SLC2A13: variants seen among roughly 807,000 people sequenced by gnomAD.
The protein encoded by SLC2A13 is solute carrier family 2 member 13.
SLC2A13 carries 32 observed loss-of-function variants against 64.4 expected under a neutral mutation model. The observed-to-expected ratio is 0.50, with a 90% CI of 0.37 to 0.67. The LOEUF is 0.67. SLC2A13 is among the 30% of genes least tolerant of loss of function. The probability of loss-of-function intolerance (pLI) is 0.00; values close to 1 mark genes in which losing one functional copy is unlikely to be tolerated. For missense variants in SLC2A13, 743 were observed against 829.2 expected, an observed-to-expected ratio of 0.90 and a Z score of 1.28; for synonymous variants, 338 against 327.1, an observed-to-expected ratio of 1.03 and a Z score of -0.36.
chr12:39,769,055 T>G (rs1940465997), intron 7 of SLC2A13, among the ~76,000 whole-genome samples: 1 of 152,112 alleles, frequency 6.6e-6, no homozygotes, highest in Non-Finnish European at 1.5e-5. Context: ...AACAACCACT[T>G]CTCAGAAACT....
At chr12:39,893,713 C>A (rs1401759097) in intron 4 of SLC2A13, among the ~76,000 whole-genome samples, 1 of 152,160 alleles carries the variant, frequency 6.6e-6, no homozygotes, top group African/African-American at 2.4e-5. Context: ...TGTGCTTTTT[C>A]TGGAGTGTGT....
intron 7 of SLC2A13, among the ~76,000 whole-genome samples, chr12:39,781,736 A>C (rs1354423514): frequency 1.3e-5 from 2 of 152,228 alleles, no homozygotes; most frequent in Non-Finnish European, 2.9e-5. Flanking sequence ...CAAGCATACA[A>C]CATAAAAGAG....
intron 6 of SLC2A13, among the ~76,000 whole-genome samples, chr12:39,860,288 A>G (rs928329362): frequency 3.3e-4 from 50 of 152,176 alleles, no homozygotes; most frequent in African/African-American, 1.2e-3. Flanking sequence ...TCCAGCATGA[A>G]TAGCTTATGA....
intron 6 of SLC2A13, among the ~76,000 whole-genome samples, chr12:39,854,635 C>T (rs1943558259): frequency 6.6e-6 from 1 of 152,174 alleles, no homozygotes; most frequent in African/African-American, 2.4e-5. Flanking sequence ...AAAACTCACA[C>T]AGAAAACTCT....
chr12:39,857,876 C>A (rs1192442478), intron 6 of SLC2A13, among the ~76,000 whole-genome samples: 2 of 152,172 alleles, frequency 1.3e-5, no homozygotes, highest in African/African-American at 4.8e-5. Context: ...CCCTGAAATG[C>A]TTTTCCTTCA....
At chr12:39,877,451 AT>A (rs148223573) in intron 4 of SLC2A13, among the ~76,000 whole-genome samples, 1 of 152,336 alleles carries the variant, frequency 6.6e-6, no homozygotes, top group African/African-American at 2.4e-5. Context: ...AAATGTGGGT[AT>A]TACAGGAGCT....
At chr12:39,966,136 T>TAG (rs200384085) in intron 3 of SLC2A13, among the ~76,000 whole-genome samples, 5,997 of 147,792 alleles carry the variant, frequency 0.041, 149 homozygotes, top group Middle Eastern at 0.12. Context: ...TATATATATA[T>TAG]ATAGAGAGAG....
chr12:40,088,538 G>A (rs1938660958), intron 1 of SLC2A13, among the ~76,000 whole-genome samples: 1 of 152,200 alleles, frequency 6.6e-6, no homozygotes, highest in South Asian at 2.1e-4. Context: ...CTCTACAGAA[G>A]TGGGATTTGG....
chr12:39,887,507 G>C (rs894501425), intron 4 of SLC2A13, among the ~76,000 whole-genome samples: 39 of 152,140 alleles, frequency 2.6e-4, no homozygotes, highest in African/African-American at 9.2e-4. Flanking sequence ...AGAAAAAAGG[G>C]GATAAAAAAG....
chr12:39,904,747 G>GA, intron 4 of SLC2A13, among the ~76,000 whole-genome samples: 1 of 152,248 alleles, frequency 6.6e-6, no homozygotes, highest in South Asian at 2.1e-4. Context: ...AGGGGAACTA[G>GA]AAAATGTTCT....
chr12:39,778,852 TA>T (rs1313944800), intron 7 of SLC2A13, among the ~76,000 whole-genome samples: 7 of 152,146 alleles, frequency 4.6e-5, no homozygotes, highest in Non-Finnish European at 7.3e-5. Context: ...TATAGGGGTA[TA>T]GGAGGAGTTT....
At chr12:39,788,678 C>G (rs905027949) in intron 7 of SLC2A13, 1 of 152,162 alleles carries the variant, frequency 6.6e-6, no homozygotes, top group Non-Finnish European at 1.5e-5. Context: ...GGTGTGAAAA[C>G]TTTAGGAATC....
At chr12:39,799,631 A>G (rs1162372693) in intron 7 of SLC2A13, among the ~76,000 whole-genome samples, 1 of 152,230 alleles carries the variant, frequency 6.6e-6, no homozygotes, top group Non-Finnish European at 1.5e-5. Context: ...GGTCAAAAAG[A>G]TTGGAAAAAT....
chr12:40,027,007 G>A (rs1441472396), intron 3 of SLC2A13, among the ~76,000 whole-genome samples: 1 of 151,766 alleles, frequency 6.6e-6, no homozygotes, highest in African/African-American at 2.4e-5. Context: ...TTGAACTCGG[G>A]AGGCGGAGGT....
chr12:39,861,037 C>G (rs1265413986), intron 6 of SLC2A13, among the ~76,000 whole-genome samples: 1 of 152,238 alleles, frequency 6.6e-6, no homozygotes, highest in African/African-American at 2.4e-5. Context: ...TGAATCTTCT[C>G]TGACCCCATA....
intron 1 of SLC2A13, among the ~76,000 whole-genome samples, chr12:40,080,385 T>C (rs754068049): frequency 7.2e-5 from 11 of 152,130 alleles, no homozygotes; most frequent in Non-Finnish European, 1.3e-4. Context: ...ATCCTGTTTA[T>C]GTTCAAGGTT....
chr12:39,801,330 T>A (rs1452153023), intron 7 of SLC2A13, among the ~76,000 whole-genome samples: 3 of 70,352 alleles, frequency 4.3e-5, no homozygotes, highest in African/African-American at 1.1e-4. Flanking sequence ...AATAAATGAA[T>A]GAGGAAATTA....
At position 40,048,143 on chromosome 12, in the gene SLC2A13, T is replaced by G; in HGVS notation, c.624A>C (p.Leu208Phe). ...EVSPPNLRGR[L>F]VTINTLFITG... is the part of the protein sequence containing the mutation. The stretch of plus-strand genomic sequence containing the variant: ...TGATGAAGAGGGTATTAATGGTGAC[T>G]AATCGGCCTCTTAAATTGGGTGGTG... The change falls in exon 2 of 10, where the codon TTA becomes TTC. Residue 208 changes from leucine to phenylalanine, a missense_variant. Around this residue, in one of 2 missense-constraint regions of SLC2A13, gnomAD observed 448 missense variants for 447.4 expected, o/e 1.00. Transcript: ENST00000280871. 6.2e-7 allele frequency: 1 copy of G among 1,613,634 alleles called. No homozygotes were observed. Among genetic ancestry groups the G allele is most frequent in the Non-Finnish European group, 8.5e-7 (1 of 1,179,748 alleles).
chr12:39,847,751 C>G (rs1943357891), intron 6 of SLC2A13, among the ~76,000 whole-genome samples: 1 of 151,958 alleles, frequency 6.6e-6, no homozygotes, highest in Non-Finnish European at 1.5e-5. Flanking sequence ...ATTTTGGGTT[C>G]TTCTGTAATA....
Sources: gnomAD v4.1 joint callset for allele counts (sites outside exome capture counted in the v4.1 genomes callset) on GRCh38, gnomAD v4.1.1 for gene constraint, gnomAD v4.1.1 regional missense constraint, MANE v1.5 for transcripts, NCBI Gene and HGNC (gene_info 2026-07-23, HGNC 2026-07-21) for gene names.